The following RICTOR variants were observed in gnomAD, a reference collection of about 807,000 sequenced individuals.
RICTOR encodes RPTOR independent companion of MTOR complex 2.
In RICTOR, 49 loss-of-function variants were observed where a neutral mutation model predicts 214.9. That is an observed-to-expected ratio of 0.23 (90% CI 0.18 to 0.29). The LOEUF is 0.29. RICTOR is among the 10% of genes least tolerant of loss of function. The pLI is 1.00. For synonymous variants in RICTOR, 717 were observed against 711.3 expected, an observed-to-expected ratio of 1.01 and a Z score of -0.13; for missense variants, 1,625 against 2,047.0, an observed-to-expected ratio of 0.79 and a Z score of 3.98.
intron 3 of RICTOR, among the ~76,000 whole-genome samples, chr5:39,020,828 T>C (rs1461823032): frequency 1.3e-5 from 2 of 152,230 alleles, no homozygotes; most frequent in African/African-American, 4.8e-5. Flanking sequence ...TTTCTGAACC[T>C]ACCAAATTTT....
intron 2 of RICTOR, among the ~76,000 whole-genome samples, chr5:39,061,778 TCTC>T (rs1758556468): frequency 1.3e-5 from 2 of 151,920 alleles, no homozygotes; most frequent in Admixed American, 6.6e-5. Flanking sequence ...ATCTTAATCA[TCTC>T]CTTTTAATTT....
intron 3 of RICTOR, among the ~76,000 whole-genome samples, chr5:39,007,007 C>A (rs1754136774): frequency 6.6e-6 from 1 of 152,058 alleles, no homozygotes; most frequent in Non-Finnish European, 1.5e-5. Flanking sequence ...TTTATACATA[C>A]ATATTTAAAA....
chr5:39,057,128 T>C (rs185003983), intron 2 of RICTOR, among the ~76,000 whole-genome samples: 1 of 152,274 alleles, frequency 6.6e-6, no homozygotes, highest in East Asian at 1.9e-4. Context: ...TCCGATTATA[T>C]CTGACCATTT....
chr5:39,068,695 G>A (rs1265965653), intron 2 of RICTOR, among the ~76,000 whole-genome samples: 1 of 152,134 alleles, frequency 6.6e-6, no homozygotes, highest in Non-Finnish European at 1.5e-5. Flanking sequence ...GACATAATGA[G>A]GATATGAACT....
At position 38,966,270 on chromosome 5, in the gene RICTOR, G is replaced by C. The variant is rs904439680; in HGVS notation, c.1299+371C>G. On this transcript the variant is annotated intron_variant, in intron 15 of 37. Coordinates refer to ENST00000357387, the MANE Select transcript of RICTOR (RefSeq NM_152756.5). The stretch of plus-strand genomic sequence containing the variant: ...CCATGTATCAAGTACATTCTTAGCA[G>C]ACTGAAGTAGTATCCATAGTTTTGC... Among the ~76,000 whole-genome samples, 36 of 152,338 alleles carry C rather than the reference G, an allele frequency of 2.4e-4. 1 individual carries two copies. Among genetic ancestry groups the C allele is most frequent in the Admixed American group, 2.2e-3 (33 of 15,306 alleles).
At chr5:39,011,229 AGCCTTG>A (rs943085409) in intron 3 of RICTOR, among the ~76,000 whole-genome samples, 12 of 152,316 alleles carry the variant, frequency 7.9e-5, no homozygotes, top group African/African-American at 2.6e-4. Flanking sequence ...GCAAGCCCCA[AGCCTTG>A]GCAATTTACA....
intron 31 of RICTOR, 191 bp downstream of exon 31, chr5:38,949,521 T>C (rs756243000): frequency 1.7e-6 from 2 of 1,205,684 alleles, no homozygotes; most frequent in Non-Finnish European, 1.2e-6. Flanking sequence ...TAGGATTTTC[T>C]TCCCCCCTCG....
intron 36 of RICTOR, among the ~76,000 whole-genome samples, chr5:38,943,536 G>A (rs1328071666): frequency 6.6e-6 from 1 of 152,124 alleles, no homozygotes; most frequent in African/African-American, 2.4e-5. Flanking sequence ...ACAGCTGGCT[G>A]GGCACGGTGG....
chr5:38,966,459 G>A (rs542287469), intron 15 of RICTOR, among the ~76,000 whole-genome samples, 182 bp downstream of exon 15: 7 of 152,346 alleles, frequency 4.6e-5, no homozygotes, highest in African/African-American at 7.2e-5. Context: ...ATGCGCATGC[G>A]CGCACGTACA....
rs1747207942 is a variant in RICTOR, at chr5:38,938,489, ATATTTTTGAAAT to A, written c.*3803_*3814del. 4.3e-6 allele frequency: 1 copy of A among 232,272 alleles called. No homozygotes were observed. Among genetic ancestry groups the A allele is most frequent in the Admixed American group, 5.6e-5 (1 of 17,750 alleles). The allele number at this position is 232,272 out of a possible 1,614,324, so 14.4% of individuals were successfully genotyped here. A position where few individuals can be genotyped will look rare whatever the true frequency, so the allele number is the denominator to read the frequency against. ...AGGTATGCTTTTTTTGGCATAAATT[ATATTTTTGAAAT>A]TAAATATTCTATAAAGAAAGTAAAA... On this transcript the variant is annotated 3_prime_UTR_variant, in exon 38 of 38. Coordinates refer to ENST00000357387, the MANE Select transcript of RICTOR (RefSeq NM_152756.5).
At chr5:38,963,485 GTC>G in intron 16 of RICTOR, among the ~76,000 whole-genome samples, 1 of 151,832 alleles carries the variant, frequency 6.6e-6, no homozygotes, top group Non-Finnish European at 1.5e-5. Flanking sequence ...CAACTGAACA[GTC>G]TCTATTTTCC....
At chr5:39,005,511 T>A (rs1246170994) in intron 3 of RICTOR, among the ~76,000 whole-genome samples, 1 of 152,216 alleles carries the variant, frequency 6.6e-6, no homozygotes, top group Non-Finnish European at 1.5e-5. Flanking sequence ...GCCATTCCAA[T>A]GTGCTAATGA....
chr5:38,975,717 C>CTTTTTTTTTG, intron 9 of RICTOR, 113 bp from the exon 10 acceptor site: 1 of 747,848 alleles, frequency 1.3e-6, no homozygotes, highest in Non-Finnish European at 2.3e-6. Context: ...AACATTTACA[C>CTTTTTTTTTG]ATAAAATTAA....
chr5:39,053,032 A>G (rs940027881), intron 2 of RICTOR, among the ~76,000 whole-genome samples: 4 of 152,226 alleles, frequency 2.6e-5, no homozygotes, highest in Admixed American at 6.5e-5. Flanking sequence ...AATTTGTAAG[A>G]GTATCCAATT....
At chr5:39,029,969 A>T (rs1044129577) in intron 2 of RICTOR, among the ~76,000 whole-genome samples, 2 of 152,162 alleles carry the variant, frequency 1.3e-5, no homozygotes, top group Non-Finnish European at 2.9e-5. Flanking sequence ...TTATTATATG[A>T]GGGTTTTAGT....
intron 19 of RICTOR, among the ~76,000 whole-genome samples, 174 bp downstream of exon 19, chr5:38,962,139 AAT>A (rs1306222320): frequency 1.5e-5 from 2 of 137,750 alleles, no homozygotes; most frequent in African/African-American, 2.7e-5. Flanking sequence ...AGAATTTGCT[AAT>A]ATGTTTTGGT....
At chr5:38,973,573 T>C (rs1750962555) in intron 10 of RICTOR, among the ~76,000 whole-genome samples, 1 of 152,240 alleles carries the variant, frequency 6.6e-6, no homozygotes, top group South Asian at 2.1e-4. Context: ...CTTATAGGAC[T>C]CCAAAGTTCC....
chr5:38,949,828 T>C lies in RICTOR; in HGVS notation c.4020A>G (p.Arg1340=), dbSNP rs1366102857. ...YATLKRLQQQ[R]MHPSLSHSEA... ...CAGAGTGAGATAAGGATGGATGCAT[T>C]CTTTGTTGCTGTAGTCTTTTCAGTG... Residue 1340 remains arginine, a synonymous_variant, in exon 31 of 38, where the codon AGA becomes AGG. Transcript: ENST00000357387. The C allele has an allele frequency of 6.2e-7, 1 of 1,613,418 alleles. No individual in the cohort carries two copies. Among genetic ancestry groups the C allele is most frequent in the Admixed American group, 1.7e-5 (1 of 59,942 alleles).
intron 9 of RICTOR, among the ~76,000 whole-genome samples, chr5:38,977,208 T>A (rs1044395396): frequency 6.6e-6 from 1 of 152,142 alleles, no homozygotes; most frequent in Non-Finnish European, 1.5e-5. Context: ...AGTTGTACAG[T>A]AGCAAGAAAC....
Sources: allele counts gnomAD v4.1 joint callset (sites outside exome capture counted in the v4.1 genomes callset), GRCh38; gene constraint gnomAD v4.1.1; transcripts MANE v1.5; gene names NCBI Gene and HGNC (gene_info 2026-07-23, HGNC 2026-07-21).